The following ROBO1 variants were observed in gnomAD, a reference collection of about 807,000 sequenced individuals.
ROBO1 encodes the protein roundabout homolog 1.
In ROBO1, 149 loss-of-function variants were observed where a neutral mutation model predicts 195.9. The observed-to-expected ratio is 0.76, with a 90% CI of 0.67 to 0.87. The LOEUF (loss-of-function observed/expected upper bound fraction) is 0.87. Among genes scored for constraint, ROBO1 ranks in the 40% least tolerant of loss-of-function variants. The pLI is 0.00. For synonymous variants in ROBO1, 816 were observed against 733.2 expected (o/e 1.11, Z -1.82); for missense variants, 1,933 against 2,068.3 (o/e 0.93, Z 1.27).
chr3:79,167,929 T>C (rs1007098333), intron 2 of ROBO1, among the ~76,000 whole-genome samples: 1 of 152,208 alleles, frequency 6.6e-6, no homozygotes, highest in Non-Finnish European at 1.5e-5. Context: ...AGTTAATATA[T>C]GCATGGGAAG....
Position 78,626,007 on chromosome 3 carries a change from C to G in ROBO1, c.3875+1314G>C, listed in dbSNP as rs182205037. Among the ~76,000 whole-genome samples, 3 of 151,818 alleles carry G rather than the reference C, an allele frequency of 2.0e-5. No individual in the cohort carries two copies. The East Asian group carries it at 5.8e-4, about 30-fold the overall frequency. Reference sequence around the variant, plus strand: ...GACATTCCAGACAGATAAAGGAAAACCGATTTCTGTTATCAAGGAAGGTGG... The same window carrying G: ...GACATTCCAGACAGATAAAGGAAAAGCGATTTCTGTTATCAAGGAAGGTGG... On this transcript the variant is annotated intron_variant, in intron 26 of 30. Coordinates refer to ENST00000464233, the MANE Select transcript of ROBO1 (RefSeq NM_002941.4).
intron 1 of ROBO1, among the ~76,000 whole-genome samples, chr3:79,678,604 G>T (rs1001606895): frequency 6.6e-6 from 1 of 151,954 alleles, no homozygotes; most frequent in Non-Finnish European, 1.5e-5. Flanking sequence ...AGAAATTTTA[G>T]AATTCATTAG....
chr3:78,889,790 T>C (rs2036783823), intron 4 of ROBO1, among the ~76,000 whole-genome samples: 1 of 150,448 alleles, frequency 6.6e-6, no homozygotes, highest in Non-Finnish European at 1.5e-5. Context: ...ACTTAAAAAT[T>C]AACAATTATA....
At chr3:78,886,075 A>T (rs1256650634) in intron 4 of ROBO1, among the ~76,000 whole-genome samples, 2 of 151,368 alleles carry the variant, frequency 1.3e-5, no homozygotes, top group East Asian at 1.9e-4. Context: ...CTTTGTTTAT[A>T]AAAAAACAAC....
chr3:78,903,438 A>G (rs1480777362), intron 4 of ROBO1, among the ~76,000 whole-genome samples: 3 of 151,866 alleles, frequency 2.0e-5, no homozygotes, highest in African/African-American at 7.3e-5. Flanking sequence ...GAAAAGAGGG[A>G]AAAAAATCTT....
intron 2 of ROBO1, among the ~76,000 whole-genome samples, chr3:79,311,264 A>G (rs147681672): frequency 3.9e-4 from 59 of 152,330 alleles, no homozygotes; most frequent in African/African-American, 1.4e-3. Flanking sequence ...TAAACTGAGA[A>G]GAATGAGGAG....
At chr3:79,569,322 A>G (rs1221361745) in intron 2 of ROBO1, among the ~76,000 whole-genome samples, 2 of 152,216 alleles carry the variant, frequency 1.3e-5, no homozygotes, top group South Asian at 2.1e-4. Context: ...AACATTACTA[A>G]TAGCTTTTAT....
chr3:79,713,369 C>G (rs1413209766), intron 1 of ROBO1, among the ~76,000 whole-genome samples: 3 of 151,990 alleles, frequency 2.0e-5, no homozygotes, highest in African/African-American at 7.2e-5. Flanking sequence ...TGAAAATCTT[C>G]TGGAAAAATT....
chr3:78,943,035 AAACCCTGTCTCTACT>A (rs2040223835), intron 3 of ROBO1, among the ~76,000 whole-genome samples: 1 of 152,000 alleles, frequency 6.6e-6, no homozygotes, highest in Admixed American at 6.6e-5. Context: ...TAACATGGTG[AAACCCTGTCTCTACT>A]AAAAATACAA....
chr3:79,273,426 T>C (rs780294771), intron 2 of ROBO1, among the ~76,000 whole-genome samples: 2 of 152,120 alleles, frequency 1.3e-5, no homozygotes, highest in Non-Finnish European at 2.9e-5. Context: ...ATGCAATAAA[T>C]GTTAAGTTGT....
At chr3:79,362,112 C>A (rs2109307040) in intron 2 of ROBO1, among the ~76,000 whole-genome samples, 1 of 151,896 alleles carries the variant, frequency 6.6e-6, no homozygotes, top group Admixed American at 6.6e-5. Flanking sequence ...GATAATTACA[C>A]CAAAATTTAA....
rs186165266 is a variant in ROBO1, at chr3:79,568,416, G to T, written c.88+21408C>A. Reference sequence around the variant, plus strand: ...TAAAAGGCTGGAGTTGTTGACTGTGGATGCTTGAACTTTAATTGCAGCCTT... The same window carrying T: ...TAAAAGGCTGGAGTTGTTGACTGTGTATGCTTGAACTTTAATTGCAGCCTT... On this transcript the variant is annotated intron_variant, in intron 2 of 30. Coordinates refer to ENST00000464233, the MANE Select transcript of ROBO1 (RefSeq NM_002941.4). Among the ~76,000 whole-genome samples, 553 of 150,924 alleles carry T rather than the reference G, an allele frequency of 3.7e-3. 2 individuals carry two copies. Among genetic ancestry groups the T allele is most frequent in the African/African-American group, 0.011 (469 of 41,082 alleles).
At chr3:79,067,007 G>A (rs767459876) in intron 3 of ROBO1, among the ~76,000 whole-genome samples, 1 of 151,808 alleles carries the variant, frequency 6.6e-6, no homozygotes, top group African/African-American at 2.4e-5. Context: ...TGCATAAAAG[G>A]CTTCTAGAGC....
chr3:78,662,093 C>A lies in ROBO1; in HGVS notation c.1988G>T (p.Gly663Val). The A allele has an allele frequency of 2.6e-6, 4 of 1,566,650 alleles. No individual in the cohort carries two copies. The highest frequency in any genetic ancestry group is 3.5e-6 in the Non-Finnish European group (4 of 1,154,860). ...KTQDVLPTSQ[G>V]VDHKQVQREL... Reference sequence around the variant, plus strand: ...TCTCTGGACCTGCTTGTGGTCCACCCCCTGACTTGTTGGTAGGACATCTAC... The same window carrying A: ...TCTCTGGACCTGCTTGTGGTCCACCACCTGACTTGTTGGTAGGACATCTAC... The change falls in exon 15 of 31, where the codon GGG (glycine) becomes GTG (valine). Residue 663 changes from glycine (G) to valine (V), a missense_variant. Physicochemically the swap from Gly to Val is moderately radical, Grantham distance 109. Around this residue, in one of 3 missense-constraint regions of ROBO1, gnomAD observed 1,737 missense variants for 1,882.5 expected, o/e 0.92. Transcript: ENST00000464233.
intron 2 of ROBO1, among the ~76,000 whole-genome samples, chr3:79,477,358 CTCT>C (rs1938597201): frequency 6.6e-6 from 1 of 152,130 alleles, no homozygotes; most frequent in Non-Finnish European, 1.5e-5. Context: ...GTTGAATCTG[CTCT>C]TTTGCTTGGG....
At chr3:78,654,079 C>G (rs1706846637) in intron 18 of ROBO1, among the ~76,000 whole-genome samples, 1 of 152,244 alleles carries the variant, frequency 6.6e-6, no homozygotes, top group Middle Eastern at 3.2e-3. Flanking sequence ...ATTGGTATAA[C>G]TCATTACATA....
chr3:78,614,496 G>A (rs1206336242), intron 28 of ROBO1, among the ~76,000 whole-genome samples, 152 bp downstream of exon 28: 3 of 152,148 alleles, frequency 2.0e-5, no homozygotes, highest in Non-Finnish European at 2.9e-5. Flanking sequence ...GACAAAATAT[G>A]TAAGTAGGTC....
In ROBO1 at chr3:78,627,395, T is replaced by A; in HGVS notation, c.3801A>T (p.Pro1267=). The change falls in exon 26 of 31, where the codon CCA becomes CCT. Residue 1267 remains proline (P), a synonymous_variant. Transcript: ENST00000464233. ...HQSTATLTPS[P]QEELQPMLQD... is the part of the protein sequence containing the mutation. ...GTAACATGGGCTGGAGTTCTTCCTG[T>A]GGGGAGGGAGTCAGAGTGGCAGTGG... The A allele has an allele frequency of 1.2e-6, 2 of 1,612,474 alleles. No individual in the cohort carries two copies. Among genetic ancestry groups the A allele is most frequent in the Non-Finnish European group, 8.5e-7 (1 of 1,179,276 alleles).
intron 22 of ROBO1, among the ~76,000 whole-genome samples, chr3:78,638,466 C>G (rs2107549346): frequency 6.6e-6 from 1 of 151,294 alleles, no homozygotes; most frequent in African/African-American, 2.4e-5. Flanking sequence ...ATTATTTTTG[C>G]TATTAAAGAA....
Sources: gnomAD v4.1 joint callset for allele counts (sites outside exome capture counted in the v4.1 genomes callset) on GRCh38, gnomAD v4.1.1 for gene constraint, gnomAD v4.1.1 regional missense constraint, MANE v1.5 for transcripts, NCBI Gene and HGNC (gene_info 2026-07-23, HGNC 2026-07-21) for gene names.